SUGCT: variants seen among roughly 807,000 people sequenced by gnomAD.
The protein encoded by SUGCT is succinyl-CoA:glutarate CoA-transferase.
A neutral mutation model predicts 55.0 loss-of-function variants in SUGCT; 41 were observed. The observed-to-expected ratio is 0.74, with a 90% CI of 0.58 to 0.97. The LOEUF is 0.97. SUGCT is among the 50% of genes least tolerant of loss of function. The pLI, the probability that SUGCT is intolerant of heterozygous loss-of-function variation, is 0.00. For missense variants in SUGCT, 568 were observed against 547.8 expected, an observed-to-expected ratio of 1.04 and a Z score of -0.37; for synonymous variants, 187 against 200.4, an observed-to-expected ratio of 0.93 and a Z score of 0.56.
chr7:41,002,122 G>A, the SUGCT span, among the ~76,000 whole-genome samples: 8 of 152,160 alleles, frequency 5.3e-5, no homozygotes, highest in Non-Finnish European at 1.5e-5. Context: ...TTGGATGCAA[G>A]CGATTCTCCT....
chr7:40,563,074 A>T (rs1795928466), intron 12 of SUGCT, among the ~76,000 whole-genome samples: 1 of 152,036 alleles, frequency 6.6e-6, no homozygotes, highest in Admixed American at 6.5e-5. Flanking sequence ...GTAACGGTGG[A>T]TCATCACGCA....
chr7:40,905,436 T>C, the SUGCT span, among the ~76,000 whole-genome samples: 1 of 152,224 alleles, frequency 6.6e-6, no homozygotes, highest in Non-Finnish European at 1.5e-5. Flanking sequence ...TTAATTATGA[T>C]ATTTGTAGGT....
Position 40,310,384 on chromosome 7 carries a change from G to A in SUGCT, c.721-6376G>A, listed in dbSNP as rs191012374. On this transcript the variant is annotated intron_variant, in intron 8 of 13. Transcript: ENST00000335693. ...AACTGTCACAGCGAAAAGGAGCCAG[G>A]ATGACTAAATACGGAGCCAGGATGA... Among the ~76,000 whole-genome samples, 712 of 152,246 alleles carry A rather than the reference G, an allele frequency of 4.7e-3. 4 individuals are homozygous for A. Among genetic ancestry groups the A allele is most frequent in the Non-Finnish European group, 7.5e-3 (511 of 68,010 alleles).
intron 13 of SUGCT, among the ~76,000 whole-genome samples, chr7:40,784,091 C>A (rs557808208): frequency 6.6e-6 from 1 of 152,198 alleles, no homozygotes; most frequent in African/African-American, 2.4e-5. Flanking sequence ...CTTTCTATCC[C>A]TGAGTATGAT....
intron 9 of SUGCT, among the ~76,000 whole-genome samples, chr7:40,354,477 T>A (rs1797794088): frequency 6.6e-6 from 1 of 152,210 alleles, no homozygotes; most frequent in Non-Finnish European, 1.5e-5. Flanking sequence ...TGGCTGCTTC[T>A]TGAGATACAG....
chr7:40,745,045 G>A (rs1039223177), intron 12 of SUGCT, among the ~76,000 whole-genome samples: 2 of 152,134 alleles, frequency 1.3e-5, no homozygotes, highest in Non-Finnish European at 2.9e-5. Context: ...TTTAATGCAG[G>A]TTCATTCATC....
intron 13 of SUGCT, among the ~76,000 whole-genome samples, chr7:40,836,417 G>A (rs1387506706): frequency 6.6e-6 from 1 of 152,220 alleles, no homozygotes; most frequent in Non-Finnish European, 1.5e-5. Context: ...GAAACTGTCA[G>A]TGATACAGTT....
the SUGCT span, among the ~76,000 whole-genome samples, chr7:40,887,817 G>C: frequency 6.6e-6 from 1 of 152,150 alleles, no homozygotes. Flanking sequence ...GGAGGAGAAG[G>C]CAGAGCCAGT....
intron 9 of SUGCT, among the ~76,000 whole-genome samples, chr7:40,342,080 T>G (rs1383119477): frequency 3.9e-5 from 6 of 152,200 alleles, no homozygotes; most frequent in Admixed American, 3.3e-4. Flanking sequence ...ATCCTCCTAG[T>G]TGGAGGAAAT....
chr7:40,786,930 T>C (rs541589765), intron 13 of SUGCT, among the ~76,000 whole-genome samples: 10 of 152,356 alleles, frequency 6.6e-5, no homozygotes, highest in African/African-American at 2.4e-4. Context: ...AATGTACCAG[T>C]GCACACAAGC....
chr7:40,435,359 T>C (rs895484498), intron 9 of SUGCT, among the ~76,000 whole-genome samples: 1 of 152,164 alleles, frequency 6.6e-6, no homozygotes, highest in African/African-American at 2.4e-5. Context: ...GGGGAATCTA[T>C]TGTTAGCATG....
the SUGCT span, among the ~76,000 whole-genome samples, chr7:40,927,206 G>A: frequency 1.3e-5 from 2 of 152,162 alleles, no homozygotes; most frequent in South Asian, 2.1e-4. Flanking sequence ...ATCTGATCTC[G>A]TTTGTGAGTG....
intron 12 of SUGCT, among the ~76,000 whole-genome samples, chr7:40,535,754 C>A (rs1280220071): frequency 6.6e-6 from 1 of 152,158 alleles, no homozygotes; most frequent in East Asian, 1.9e-4. Context: ...TCAGGCTGGC[C>A]TCGAACTCCT....
chr7:40,686,497 A>G (rs1784471265), intron 12 of SUGCT, among the ~76,000 whole-genome samples: 1 of 152,238 alleles, frequency 6.6e-6, no homozygotes, highest in South Asian at 2.1e-4. Flanking sequence ...AGCATTAACT[A>G]TTGATATTTC....
chr7:40,998,273 G>A, the SUGCT span, among the ~76,000 whole-genome samples: 1 of 152,086 alleles, frequency 6.6e-6, no homozygotes, highest in Non-Finnish European at 1.5e-5. Flanking sequence ...TCAGGAGGCT[G>A]AGGCTGGAGG....
the SUGCT span, among the ~76,000 whole-genome samples, chr7:40,934,371 T>A: frequency 1.3e-5 from 2 of 152,112 alleles, no homozygotes; most frequent in East Asian, 3.9e-4. Flanking sequence ...CTGGGAGGTG[T>A]CTCCCAGTTA....
chr7:40,768,440 C>T (rs1788916920), intron 13 of SUGCT, among the ~76,000 whole-genome samples: 2 of 152,154 alleles, frequency 1.3e-5, no homozygotes, highest in Non-Finnish European at 1.5e-5. Context: ...GCCTTGGCCA[C>T]TTCGTGGGAG....
chr7:40,712,790 T>G (rs1244013960), intron 12 of SUGCT, among the ~76,000 whole-genome samples: 2 of 152,206 alleles, frequency 1.3e-5, no homozygotes, highest in African/African-American at 4.8e-5. Context: ...TCCATAGAGT[T>G]AAACTTAGGG....
chr7:40,253,507 A>G (rs940797674), intron 7 of SUGCT, among the ~76,000 whole-genome samples: 1 of 152,220 alleles, frequency 6.6e-6, no homozygotes, highest in African/African-American at 2.4e-5. Context: ...CAAATCTAGA[A>G]CAATGCCTGG....
Sources: allele counts gnomAD v4.1 joint callset (sites outside exome capture counted in the v4.1 genomes callset), GRCh38; gene constraint gnomAD v4.1.1; transcripts MANE v1.5; gene names NCBI Gene and HGNC (gene_info 2026-07-23, HGNC 2026-07-21).